The following CEP350 variants were observed in gnomAD, a reference collection of about 807,000 sequenced individuals.
CEP350 encodes centrosomal protein 350.
A neutral mutation model predicts 331.8 loss-of-function variants in CEP350; 126 were observed. That is an observed-to-expected ratio of 0.38 (90% CI 0.33 to 0.44). The LOEUF is 0.44. CEP350 is among the 20% of genes least tolerant of loss of function. The pLI is 1.00. For synonymous variants in CEP350, 1,200 were observed against 1,259.5 expected (o/e 0.95, Z 1.00); for missense variants, 3,406 against 3,634.6 (o/e 0.94, Z 1.62).
intron 1 of CEP350, chr1:179,968,833 C>T (rs1018342581): frequency 1.4e-5 from 10 of 708,596 alleles, no homozygotes; most frequent in African/African-American, 7.0e-5. Flanking sequence ...GCTGGCAGCT[C>T]GTGCCATTGT....
chr1:180,041,171 C>T lies in CEP350; in HGVS notation c.4144C>T (p.Leu1382Phe). Reference sequence around the variant, plus strand: ...GCAACGCCATGAAAGAGACTTGGCCCTCTTGAAACTAAAGGCTGAACAAGA... The same window carrying T: ...GCAACGCCATGAAAGAGACTTGGCCTTCTTGAAACTAAAGGCTGAACAAGA... ...QQQRHERDLA[L>F]LKLKAEQEAL... The change falls in exon 18 of 38, where the codon CTC (leucine) becomes TTC (phenylalanine). Residue 1382 changes from leucine to phenylalanine, a missense_variant. Coordinates refer to ENST00000367607, the MANE Select transcript of CEP350 (RefSeq NM_014810.5). 1 of 1,597,494 alleles carries T rather than the reference C, an allele frequency of 6.3e-7. No individual in the cohort carries two copies. The highest frequency in any genetic ancestry group is 8.5e-7 in the Non-Finnish European group (1 of 1,171,940).
chr1:179,986,402 CCTGGTG>C, intron 2 of CEP350, 148 bp downstream of exon 2: 2 of 552,872 alleles, frequency 3.6e-6, no homozygotes. Flanking sequence ...TTTAAATATA[CCTGGTG>C]CTTCATGTTA....
At chr1:180,086,953 G>A (rs1659904646) in intron 31 of CEP350, among the ~76,000 whole-genome samples, 1 of 152,172 alleles carries the variant, frequency 6.6e-6, no homozygotes, top group African/African-American at 2.4e-5. Flanking sequence ...ACACTAGTCT[G>A]AAATAGTGAG....
rs769933499 is a variant in CEP350, at chr1:180,053,061, A to G, written c.4884A>G (p.Leu1628=). 1.9e-6 allele frequency: 3 copies of G among 1,567,622 alleles called. No individual in the cohort carries two copies. Among genetic ancestry groups the G allele is most frequent in the Non-Finnish European group, 2.6e-6 (3 of 1,139,212 alleles). Residue 1628 remains leucine (L), a synonymous_variant, in exon 23 of 38, where the codon CTA becomes CTG. Transcript: ENST00000367607. ...EIEEQSFRSL[L]PSESHRRFNM... ...AAGAACAATCATTTCGATCATTACTACCTTCAGAGAGTCACCGCAGATTTA... is the reference window on the plus strand; with the variant it reads ...AAGAACAATCATTTCGATCATTACTGCCTTCAGAGAGTCACCGCAGATTTA...
At chr1:179,988,861 A>G (rs1199506369) in intron 3 of CEP350, among the ~76,000 whole-genome samples, 9 of 152,144 alleles carry the variant, frequency 5.9e-5, no homozygotes, top group Admixed American at 5.9e-4. Context: ...TTTGGTCCCA[A>G]TGCAGAGTCA....
Position 180,003,184 on chromosome 1 carries a change from TTC to T in CEP350, c.1030_1031del (p.Ser344ArgfsTer8). 2 of 1,611,742 alleles carry T rather than the reference TTC, an allele frequency of 1.2e-6. No individual in the cohort carries two copies. The highest frequency in any genetic ancestry group is 1.7e-6 in the Non-Finnish European group (2 of 1,178,558). On this transcript the variant is annotated frameshift_variant, in exon 7 of 38. Coordinates refer to ENST00000367607, the MANE Select transcript of CEP350 (RefSeq NM_014810.5). LOFTEE classifies it high-confidence loss of function. ...PAPAYKGFNP[S>X]ETKIRTPDGK... Reference sequence around the variant, plus strand: ...ACTGGTATGTATTAGGTTTCAACCCTTCAGAGACCAAGATTCGAACACCTGAT... The same window carrying T: ...ACTGGTATGTATTAGGTTTCAACCCTAGAGACCAAGATTCGAACACCTGAT...
At chr1:180,054,770 C>A (rs867858565) in intron 25 of CEP350, among the ~76,000 whole-genome samples, 10 of 152,108 alleles carry the variant, frequency 6.6e-5, no homozygotes, top group African/African-American at 2.4e-4. Flanking sequence ...AGAAAATACT[C>A]TTTTGAAATA....
chr1:180,076,551 G>C (rs1659237978), intron 28 of CEP350, among the ~76,000 whole-genome samples: 1 of 152,174 alleles, frequency 6.6e-6, no homozygotes, highest in African/African-American at 2.4e-5. Flanking sequence ...CACTTTGGGA[G>C]GCTGAGGTGG....
In CEP350 at chr1:180,013,925, C is replaced by G. The variant is rs372724544; in HGVS notation, c.1472C>G (p.Ser491Trp). 2 of 1,613,648 alleles carry G rather than the reference C, an allele frequency of 1.2e-6. No individual in the cohort carries two copies. Among genetic ancestry groups the G allele is most frequent in the African/African-American group, 1.3e-5 (1 of 74,964 alleles). The stretch of plus-strand genomic sequence containing the variant: ...CATCTTCAAAGAAACTCAGAACGTT[C>G]GAGAAGTAAATCTCGGTCTGAAAAT... ...HRHLQRNSER[S>W]RSKSRSENNI... is the part of the protein sequence containing the mutation. Residue 491 changes from serine to tryptophan, a missense_variant, in exon 10 of 38, where the codon TCG (serine) becomes TGG (tryptophan). By Grantham distance (177) the Ser-to-Trp change is radical. Transcript: ENST00000367607.
chr1:179,976,138 G>A (rs554830598), intron 1 of CEP350, among the ~76,000 whole-genome samples: 13 of 152,200 alleles, frequency 8.5e-5, no homozygotes, highest in African/African-American at 3.1e-4. Flanking sequence ...TTACTAGAAT[G>A]TAGGCATATT....
intron 24 of CEP350, 92 bp from the exon 25 acceptor site, chr1:180,054,323 T>C: frequency 9.6e-7 from 1 of 1,041,794 alleles, no homozygotes; most frequent in Non-Finnish European, 1.4e-6. Flanking sequence ...TAAATTGGTT[T>C]GTAGACTTTT....
intron 25 of CEP350, among the ~76,000 whole-genome samples, chr1:180,056,184 G>C (rs1657828223): frequency 6.6e-6 from 1 of 151,894 alleles, no homozygotes; most frequent in African/African-American, 2.4e-5. Context: ...ATTTTTAATA[G>C]GCATAAAATT....
intron 12 of CEP350, among the ~76,000 whole-genome samples, chr1:180,022,441 TG>T (rs1655388530): frequency 6.6e-6 from 1 of 152,144 alleles, no homozygotes; most frequent in Non-Finnish European, 1.5e-5. Flanking sequence ...GGTGATGTAT[TG>T]GTCATTGTTG....
intron 1 of CEP350, among the ~76,000 whole-genome samples, chr1:179,974,649 T>C (rs1651716020): frequency 6.6e-6 from 1 of 152,234 alleles, no homozygotes; most frequent in Non-Finnish European, 1.5e-5. Flanking sequence ...GAATGAATTA[T>C]GTATGATATA....
chr1:180,078,663 C>G lies in CEP350; in HGVS notation c.5968C>G (p.Pro1990Ala). 2 of 1,604,254 alleles carry G rather than the reference C, an allele frequency of 1.2e-6. No individual in the cohort carries two copies. The highest frequency in any genetic ancestry group is 8.5e-7 in the Non-Finnish European group (1 of 1,174,954). The change falls in exon 29 of 38, where the codon CCT becomes GCT. Residue 1990 changes from proline (P) to alanine (A), a missense_variant. By Grantham distance (27) the Pro-to-Ala change is conservative. Coordinates refer to ENST00000367607, the MANE Select transcript of CEP350 (RefSeq NM_014810.5). ...ACAGGAACTAGAATCTTCTACCTCT[C>G]CTAGTAAACATGTAAGTTAATGTAT... ...CSQELESSTSPSKHSLPKSCT... is the reference protein window; with the variant it reads ...CSQELESSTSASKHSLPKSCT...
intron 32 of CEP350, among the ~76,000 whole-genome samples, chr1:180,088,466 T>C (rs1210688637): frequency 1.3e-5 from 2 of 148,460 alleles, no homozygotes; most frequent in African/African-American, 4.9e-5. Context: ...CTGAACATAA[T>C]AGGTTATTGC....
intron 30 of CEP350, among the ~76,000 whole-genome samples, chr1:180,082,164 A>C (rs1659610667): frequency 6.6e-6 from 1 of 152,236 alleles, no homozygotes; most frequent in Non-Finnish European, 1.5e-5. Flanking sequence ...TGAGTTATGC[A>C]CCAAGGATTA....
At chr1:180,041,532 A>C in intron 18 of CEP350, 130 bp from the exon 19 acceptor site, 2 of 945,200 alleles carry the variant, frequency 2.1e-6, no homozygotes, top group Non-Finnish European at 3.1e-6. Flanking sequence ...GACTTAAACC[A>C]TGAAATCCAG....
intron 5 of CEP350, among the ~76,000 whole-genome samples, chr1:179,992,946 T>C (rs1653198465): frequency 1.3e-5 from 2 of 152,212 alleles, no homozygotes; most frequent in Non-Finnish European, 2.9e-5. Context: ...TCAAGAAGTT[T>C]CATGATGATA....
Sources: gnomAD v4.1 joint callset for allele counts (sites outside exome capture counted in the v4.1 genomes callset) on GRCh38, gnomAD v4.1.1 for gene constraint, MANE v1.5 for transcripts, NCBI Gene and HGNC (gene_info 2026-07-23, HGNC 2026-07-21) for gene names.